The following HS3ST4 variants were observed in gnomAD, a reference collection of about 807,000 sequenced individuals.
The protein encoded by HS3ST4 is heparan sulfate-glucosamine 3-sulfotransferase 4.
In HS3ST4, 17 loss-of-function variants were observed where a neutral mutation model predicts 29.2. The observed-to-expected ratio is 0.58, with a 90% CI of 0.40 to 0.87. The LOEUF is 0.87. Ranked by LOEUF, HS3ST4 falls within the 40% of genes least tolerant of loss-of-function variation. The pLI, the probability that HS3ST4 is intolerant of heterozygous loss-of-function variation, is 0.00. For synonymous variants in HS3ST4, 314 were observed against 285.7 expected (o/e 1.10, Z -1.00); for missense variants, 627 against 634.5 (o/e 0.99, Z 0.13).
chr16:25,966,895 C>A (rs556048116), intron 1 of HS3ST4, among the ~76,000 whole-genome samples: 29 of 152,268 alleles, frequency 1.9e-4, no homozygotes, highest in African/African-American at 6.5e-4. Flanking sequence ...GAAATGCCTC[C>A]ACATCACTTG....
At chr16:25,922,296 T>A (rs952683721) in intron 1 of HS3ST4, among the ~76,000 whole-genome samples, 1 of 152,200 alleles carries the variant, frequency 6.6e-6, no homozygotes, top group African/African-American at 2.4e-5. Context: ...AGAGCCTTTA[T>A]GAATGGGATT....
At chr16:25,828,332 C>T (rs997353185) in intron 1 of HS3ST4, among the ~76,000 whole-genome samples, 25 of 135,454 alleles carry the variant, frequency 1.8e-4, no homozygotes, top group East Asian at 4.2e-4. Context: ...CTCTCTCTCT[C>T]TCTCTCTTTC....
chr16:25,823,599 T>C (rs1006587187), intron 1 of HS3ST4, among the ~76,000 whole-genome samples: 1 of 152,176 alleles, frequency 6.6e-6, no homozygotes, highest in Non-Finnish European at 1.5e-5. Context: ...CTTGCTCTGT[T>C]GCCCAGACTG....
intron 1 of HS3ST4, among the ~76,000 whole-genome samples, chr16:25,743,156 G>C (rs1966665670): frequency 6.6e-6 from 1 of 152,202 alleles, no homozygotes; most frequent in Non-Finnish European, 1.5e-5. Flanking sequence ...CAGTGAGGAA[G>C]AGGCAGTGTA....
In HS3ST4 at chr16:25,956,553, A is replaced by G. The variant is rs148273407; in HGVS notation, c.735-179059A>G. On this transcript the variant is annotated intron_variant, in intron 1 of 1. Transcript: ENST00000331351. ...TTTCCAGTGATATGATCTTATACCT[A>G]GAAAACTCAAATACTCCTCCAAAAG... 3.9e-5 allele frequency among the ~76,000 whole-genome samples: 6 copies of G among 152,348 alleles called. No individual in the cohort carries two copies. In the East Asian group the frequency reaches 1.2e-3, roughly 29 times the overall value.
At chr16:25,962,542 G>A (rs1047585779) in intron 1 of HS3ST4, among the ~76,000 whole-genome samples, 2 of 152,176 alleles carry the variant, frequency 1.3e-5, no homozygotes, top group Non-Finnish European at 2.9e-5. Flanking sequence ...CCTAACCACA[G>A]TAACAATTTC....
intron 1 of HS3ST4, among the ~76,000 whole-genome samples, chr16:26,090,049 A>C (rs569533403): frequency 1.3e-5 from 2 of 152,326 alleles, no homozygotes; most frequent in East Asian, 3.9e-4. Context: ...TAGGGCTTAC[A>C]TGAAATAATC....
chr16:25,896,452 C>G (rs952487982), intron 1 of HS3ST4, among the ~76,000 whole-genome samples: 10 of 152,038 alleles, frequency 6.6e-5, no homozygotes, highest in African/African-American at 2.4e-4. Flanking sequence ...AATGAGATAC[C>G]GTGTCACACC....
chr16:25,888,285 G>A (rs1034147601), intron 1 of HS3ST4, among the ~76,000 whole-genome samples: 5 of 152,132 alleles, frequency 3.3e-5, no homozygotes, highest in Non-Finnish European at 5.9e-5. Context: ...GAATGAAAAC[G>A]TCCGGTTGAT....
At position 25,863,258 on chromosome 16, in the gene HS3ST4, A is replaced by G. The variant is rs529844413; in HGVS notation, c.734+170107A>G. ...ACCACCATGCCCGGCTAATTTTTCT[A>G]TTTTAAGTAGAGCGGGGTTTCACCA... On this transcript the variant is annotated intron_variant, in intron 1 of 1. Transcript: ENST00000331351. 3.3e-5 allele frequency among the ~76,000 whole-genome samples: 5 copies of G among 151,992 alleles called. No homozygotes were observed. In the East Asian group the frequency reaches 5.8e-4, roughly 18 times the overall value.
intron 1 of HS3ST4, among the ~76,000 whole-genome samples, chr16:25,709,949 A>G (rs1347168634): frequency 2.6e-5 from 4 of 152,218 alleles, no homozygotes; most frequent in Non-Finnish European, 5.9e-5. Context: ...GTTTCATCAC[A>G]TTAAGTCTTC....
At chr16:25,916,481 G>A in intron 1 of HS3ST4, among the ~76,000 whole-genome samples, 1 of 151,844 alleles carries the variant, frequency 6.6e-6, no homozygotes, top group South Asian at 2.1e-4. Context: ...TCCTGCCTCA[G>A]CCTACCGAGT....
chr16:25,953,107 G>T (rs1182560741), intron 1 of HS3ST4, among the ~76,000 whole-genome samples: 3 of 152,282 alleles, frequency 2.0e-5, no homozygotes, highest in African/African-American at 7.2e-5. Context: ...TATACAAATT[G>T]CATCCTGGCA....
chr16:25,956,232 A>G (rs117160983), intron 1 of HS3ST4, among the ~76,000 whole-genome samples: 5 of 152,282 alleles, frequency 3.3e-5, no homozygotes, highest in East Asian at 1.9e-4. Flanking sequence ...CCATTTTTCA[A>G]ATGCCTCCAT....
intron 1 of HS3ST4, among the ~76,000 whole-genome samples, chr16:26,051,935 T>G (rs866613079): frequency 1.1e-4 from 14 of 125,844 alleles, no homozygotes; most frequent in South Asian, 6.0e-4. Flanking sequence ...CCTTCCTTCC[T>G]TCCGTCCTTC....
At chr16:25,739,114 G>A (rs1221532884) in intron 1 of HS3ST4, among the ~76,000 whole-genome samples, 1 of 152,216 alleles carries the variant, frequency 6.6e-6, no homozygotes, top group Non-Finnish European at 1.5e-5. Flanking sequence ...GGCTGAGGCG[G>A]GCAGATCATC....
chr16:26,062,940 C>A, intron 1 of HS3ST4: 1 of 214,896 alleles, frequency 4.7e-6, no homozygotes, highest in East Asian at 1.1e-4. Context: ...TCTCTTCAAC[C>A]TTCACTTTAG....
At chr16:26,054,699 AGAGAGTCTCT>A (rs1342684274) in intron 1 of HS3ST4, among the ~76,000 whole-genome samples, 1 of 152,196 alleles carries the variant, frequency 6.6e-6, no homozygotes. Context: ...CAGAGTTTCA[AGAGAGTCTCT>A]GAGCTGAGGA....
chr16:25,991,100 A>G (rs955289813), intron 1 of HS3ST4, among the ~76,000 whole-genome samples: 1 of 148,296 alleles, frequency 6.7e-6, no homozygotes, highest in African/African-American at 2.6e-5. Flanking sequence ...AATAACATTG[A>G]TACACCGGCC....
Sources: gnomAD v4.1 joint callset for allele counts (sites outside exome capture counted in the v4.1 genomes callset) on GRCh38, gnomAD v4.1.1 for gene constraint, MANE v1.5 for transcripts, NCBI Gene and HGNC (gene_info 2026-07-23, HGNC 2026-07-21) for gene names.